The following KIF16B variants were observed in gnomAD, a reference collection of about 807,000 sequenced individuals.
KIF16B encodes the protein kinesin family member 16B.
KIF16B carries 98 observed loss-of-function variants against 156.3 expected under a neutral mutation model. The observed-to-expected ratio is 0.63, with a 90% CI of 0.53 to 0.74. The LOEUF (loss-of-function observed/expected upper bound fraction) is 0.74, where lower values mean the gene tolerates loss of function less well. Ranked by LOEUF, KIF16B falls within the 30% of genes least tolerant of loss-of-function variation. KIF16B has a pLI of 0.00. For synonymous variants in KIF16B, 564 were observed against 583.7 expected (o/e 0.97, Z 0.49); for missense variants, 1,421 against 1,606.5 (o/e 0.88, Z 1.97).
chr20:16,339,691 T>C (rs534464194), intron 23 of KIF16B, among the ~76,000 whole-genome samples: 1 of 152,334 alleles, frequency 6.6e-6, no homozygotes, highest in South Asian at 2.1e-4. Context: ...TTCTCCCTGT[T>C]CCATGCAAAA....
At chr20:16,530,436 G>A (rs1375886022) in intron 1 of KIF16B, among the ~76,000 whole-genome samples, 1 of 152,142 alleles carries the variant, frequency 6.6e-6, no homozygotes, top group Non-Finnish European at 1.5e-5. Context: ...CTGGCAGTGT[G>A]AAAAGTCAGG....
At chr20:16,273,760 T>A (rs1483320472) in intron 25 of KIF16B, among the ~76,000 whole-genome samples, 1 of 152,038 alleles carries the variant, frequency 6.6e-6, no homozygotes, top group Non-Finnish European at 1.5e-5. Flanking sequence ...CAGAAACAAC[T>A]TCCCACCCAC....
rs773504611 is a variant in KIF16B, at chr20:16,406,361, C to G, written c.1695+13G>C. On this transcript the variant is annotated intron_variant, in intron 16 of 25. Coordinates refer to ENST00000354981, the MANE Select transcript of KIF16B (RefSeq NM_024704.5). ...GATCAGTGGTTCCCTCCTAGAGACGCCGTGTCCCTCACCTTCCTCTTCTCC... is the reference window on the plus strand; with the variant it reads ...GATCAGTGGTTCCCTCCTAGAGACGGCGTGTCCCTCACCTTCCTCTTCTCC... 5.6e-6 allele frequency: 9 copies of G among 1,611,576 alleles called. No homozygotes were observed. The East Asian group carries it at 2.0e-4, about 36-fold the overall frequency.
At chr20:16,293,210 A>G (rs1460881452) in intron 25 of KIF16B, among the ~76,000 whole-genome samples, 1 of 152,206 alleles carries the variant, frequency 6.6e-6, no homozygotes, top group Non-Finnish European at 1.5e-5. Context: ...GGGTCAGAAG[A>G]ATCGACGAAC....
intron 12 of KIF16B, among the ~76,000 whole-genome samples, chr20:16,474,399 G>C (rs762610150): frequency 6.6e-6 from 1 of 152,182 alleles, no homozygotes; most frequent in Non-Finnish European, 1.5e-5. Flanking sequence ...GAAGTGCTTA[G>C]GGCAGTGCTT....
chr20:16,485,909 A>G (rs570529037), intron 12 of KIF16B, among the ~76,000 whole-genome samples: 10 of 152,266 alleles, frequency 6.6e-5, no homozygotes, highest in East Asian at 5.8e-4. Flanking sequence ...ATACATATAT[A>G]TGTGTATATA....
chr20:16,528,479 A>G lies in KIF16B; in HGVS notation c.48-39T>C, dbSNP rs145614260. 2.3e-4 allele frequency: 319 copies of G among 1,400,156 alleles called. 1 individual carries two copies. The East Asian group carries it at 7.2e-3, about 32-fold the overall frequency. The allele number at this position is 1,400,156 out of a possible 1,614,324, so 86.7% of individuals were successfully genotyped here. On this transcript the variant is annotated intron_variant, in intron 1 of 25. Transcript: ENST00000354981. ...AATTCAGTAGTGGTTAGAAGAGAAA[A>G]GATTATTAAAAACAAAACAAAACTA...
At chr20:16,405,761 G>A (rs1485312540) in intron 16 of KIF16B, among the ~76,000 whole-genome samples, 2 of 152,132 alleles carry the variant, frequency 1.3e-5, no homozygotes, top group Non-Finnish European at 1.5e-5. Flanking sequence ...TACAAGTTTA[G>A]CACCATTCCT....
chr20:16,286,512 A>G (rs2063224567), intron 25 of KIF16B, among the ~76,000 whole-genome samples: 1 of 77,758 alleles, frequency 1.3e-5, no homozygotes, highest in Admixed American at 1.3e-4. Flanking sequence ...GATCCTTTGA[A>G]CTACAGCTGA....
At chr20:16,517,630 C>A (rs1005037239) in intron 3 of KIF16B, among the ~76,000 whole-genome samples, 1 of 152,116 alleles carries the variant, frequency 6.6e-6, no homozygotes, top group Non-Finnish European at 1.5e-5. Context: ...AGGCCCCAAT[C>A]CTACCTGGAA....
At chr20:16,573,152 G>C in intron 1 of KIF16B, 77 bp downstream of exon 1, 1 of 1,398,224 alleles carries the variant, frequency 7.2e-7, no homozygotes, top group Non-Finnish European at 9.9e-7. Flanking sequence ...GTCCAGGCTG[G>C]CTTTGGGGGA....
chr20:16,352,644 T>C (rs1004578502), intron 23 of KIF16B, among the ~76,000 whole-genome samples: 1 of 152,166 alleles, frequency 6.6e-6, no homozygotes, highest in African/African-American at 2.4e-5. Context: ...CACTGGGGAT[T>C]AAAATGAAAA....
chr20:16,558,170 C>T lies in KIF16B; in HGVS notation c.47+15059G>A, dbSNP rs549331007. ...CTGGAGAAAGAACACCTCCAGCAGACGAGTGGCAGGTGCCGAGGTCCTGAA... is the reference window on the plus strand; with the variant it reads ...CTGGAGAAAGAACACCTCCAGCAGATGAGTGGCAGGTGCCGAGGTCCTGAA... On this transcript the variant is annotated intron_variant, in intron 1 of 25. Coordinates refer to ENST00000354981, the MANE Select transcript of KIF16B (RefSeq NM_024704.5). Among the ~76,000 whole-genome samples, 23 of 152,318 alleles carry T rather than the reference C, an allele frequency of 1.5e-4. 1 individual carries two copies. The highest frequency in any genetic ancestry group is 4.6e-4 in the African/African-American group (19 of 41,582).
chr20:16,383,322 T>A (rs1289780707), intron 17 of KIF16B, among the ~76,000 whole-genome samples: 1 of 152,150 alleles, frequency 6.6e-6, no homozygotes, highest in Non-Finnish European at 1.5e-5. Flanking sequence ...ACAGTGGTAA[T>A]AGGTGGTGGA....
At chr20:16,412,617 G>A (rs1020738475) in intron 15 of KIF16B, among the ~76,000 whole-genome samples, 1 of 151,988 alleles carries the variant, frequency 6.6e-6, no homozygotes, top group Admixed American at 6.6e-5. Context: ...TAAAAATGGG[G>A]AAAGCCCCTT....
At chr20:16,288,455 A>G (rs2063259516) in intron 25 of KIF16B, among the ~76,000 whole-genome samples, 1 of 152,066 alleles carries the variant, frequency 6.6e-6, no homozygotes, top group South Asian at 2.1e-4. Flanking sequence ...TAAGTGGAAG[A>G]GCATCTGTAT....
At position 16,534,180 on chromosome 20, in the gene KIF16B, G is replaced by A. The variant is rs546831435; in HGVS notation, c.48-5740C>T. Among the ~76,000 whole-genome samples, 27 of 152,156 alleles carry A rather than the reference G, an allele frequency of 1.8e-4. 1 individual carries two copies. The South Asian group carries it at 4.4e-3, about 25-fold the overall frequency. The stretch of plus-strand genomic sequence containing the variant: ...TGAGGCAGGAGAATCACTTGAGCCC[G>A]GGGGACAGAGGTTGCAGTGAGCTGA... On this transcript the variant is annotated intron_variant, in intron 1 of 25. Coordinates refer to ENST00000354981, the MANE Select transcript of KIF16B (RefSeq NM_024704.5).
chr20:16,335,197 T>G (rs2064014273), intron 24 of KIF16B, among the ~76,000 whole-genome samples: 1 of 152,222 alleles, frequency 6.6e-6, no homozygotes, highest in Non-Finnish European at 1.5e-5. Flanking sequence ...TGATCTGCAG[T>G]CAGTTCAACA....
At chr20:16,464,406 C>G (rs1222215658) in intron 12 of KIF16B, among the ~76,000 whole-genome samples, 1 of 152,108 alleles carries the variant, frequency 6.6e-6, no homozygotes, top group Non-Finnish European at 1.5e-5. Flanking sequence ...AAAACAGACC[C>G]TTAATGTATT....
Sources: allele counts gnomAD v4.1 joint callset (sites outside exome capture counted in the v4.1 genomes callset), GRCh38; gene constraint gnomAD v4.1.1; transcripts MANE v1.5; gene names NCBI Gene and HGNC (gene_info 2026-07-23, HGNC 2026-07-21).